Variants in EPC1 observed in about 807,000 individuals in gnomAD.
EPC1 encodes enhancer of polycomb 1.
In EPC1, 12 loss-of-function variants were observed where a neutral mutation model predicts 98.4. The observed-to-expected ratio is 0.12, with a 90% CI of 0.08 to 0.20. EPC1 has a LOEUF of 0.20. Ranked by LOEUF, EPC1 falls within the 10% of genes least tolerant of loss-of-function variation. The pLI, the probability that EPC1 is intolerant of heterozygous loss-of-function variation, is 1.00. For synonymous variants in EPC1, 357 were observed against 363.9 expected (o/e 0.98, Z 0.21); for missense variants, 729 against 990.5 (o/e 0.74, Z 3.54).
chr10:32,376,420 C>G (rs983917002), intron 1 of EPC1, among the ~76,000 whole-genome samples: 1 of 152,018 alleles, frequency 6.6e-6, no homozygotes, highest in Non-Finnish European at 1.5e-5. Context: ...ACTAAACTCT[C>G]CAGCATAACC....
chr10:32,311,683 C>T (rs942729944), intron 1 of EPC1, among the ~76,000 whole-genome samples: 2 of 152,118 alleles, frequency 1.3e-5, no homozygotes, highest in Admixed American at 1.3e-4. Context: ...ACTATTGAAC[C>T]CTGTGTATGC....
chr10:32,348,277 G>GTTGTTGTT (rs10689216), upstream of EPC1, among the ~76,000 whole-genome samples: 3 of 152,102 alleles, frequency 2.0e-5, no homozygotes, highest in African/African-American at 7.2e-5. Flanking sequence ...TGTTGTTGTT[G>GTTGTTGTT]TTAATAGGGA....
At chr10:32,277,768 C>T (rs1359170295) in intron 10 of EPC1, among the ~76,000 whole-genome samples, 1 of 152,072 alleles carries the variant, frequency 6.6e-6, no homozygotes, top group East Asian at 1.9e-4. Context: ...GGTGTTTCAC[C>T]ATGTTGCTCA....
intron 1 of EPC1, among the ~76,000 whole-genome samples, chr10:32,340,407 A>G (rs1465274548): frequency 6.6e-6 from 1 of 152,234 alleles, no homozygotes; most frequent in African/African-American, 2.4e-5. Flanking sequence ...TTGAGTGTCC[A>G]CTATATTTAA....
intron 10 of EPC1, among the ~76,000 whole-genome samples, chr10:32,274,565 T>C (rs886810107): frequency 1.3e-5 from 2 of 152,192 alleles, no homozygotes; most frequent in East Asian, 3.8e-4. Flanking sequence ...GTTCTTATAC[T>C]TGAGTTGAAC....
chr10:32,364,013 T>C (rs1360548791), intron 1 of EPC1, among the ~76,000 whole-genome samples: 20 of 129,652 alleles, frequency 1.5e-4, no homozygotes, highest in Non-Finnish European at 2.3e-4. Context: ...TTTTTTTTTT[T>C]TTTTTTTTTT....
intron 10 of EPC1, among the ~76,000 whole-genome samples, chr10:32,275,547 ATT>A (rs755778366): frequency 1.4e-4 from 22 of 151,976 alleles, no homozygotes; most frequent in Admixed American, 4.6e-4. Context: ...TGGGCAGATC[ATT>A]AGGTCAGGAG....
chr10:32,365,279 T>C (rs1024824925), intron 1 of EPC1, among the ~76,000 whole-genome samples: 14 of 152,140 alleles, frequency 9.2e-5, no homozygotes, highest in Non-Finnish European at 2.1e-4. Context: ...GGACTCAGAA[T>C]TAATATGAAA....
At chr10:32,368,463 A>G (rs1839661038) in intron 1 of EPC1, among the ~76,000 whole-genome samples, 1 of 152,084 alleles carries the variant, frequency 6.6e-6, no homozygotes, top group East Asian at 1.9e-4. Context: ...CTCAATCTTT[A>G]TCTGCTGAAA....
chr10:32,298,382 A>T (rs1000198361), intron 2 of EPC1, among the ~76,000 whole-genome samples: 1 of 152,216 alleles, frequency 6.6e-6, no homozygotes, highest in African/African-American at 2.4e-5. Context: ...ATGAAACAGC[A>T]CACAATGTGG....
intron 1 of EPC1, among the ~76,000 whole-genome samples, chr10:32,339,459 C>T (rs903795549): frequency 2.0e-5 from 3 of 152,018 alleles, no homozygotes; most frequent in African/African-American, 7.3e-5. Context: ...GCACGAGAAT[C>T]GCTTGAATCT....
intron 1 of EPC1, among the ~76,000 whole-genome samples, chr10:32,334,731 T>C (rs1270727028): frequency 6.6e-6 from 1 of 152,218 alleles, no homozygotes; most frequent in Non-Finnish European, 1.5e-5. Flanking sequence ...TCTGGGATAG[T>C]CAAAAGTCAT....
chr10:32,327,756 G>T (rs1837389651), intron 1 of EPC1, among the ~76,000 whole-genome samples: 1 of 152,126 alleles, frequency 6.6e-6, no homozygotes. Flanking sequence ...GTAGGGAGTT[G>T]TAACACAAAA....
chr10:32,286,708 A>T lies in EPC1; in HGVS notation c.1377T>A (p.Val459=). The T allele has an allele frequency of 3.7e-6, 6 of 1,614,136 alleles. No homozygotes were observed. The highest frequency in any genetic ancestry group is 4.2e-6 in the Non-Finnish European group (5 of 1,180,000). Residue 459 remains valine (V), a synonymous_variant, in exon 9 of 14, where the codon GTT becomes GTA. Transcript: ENST00000319778. ...QRCIGFARRR[V]GRGGRVLLDR... ...AAATACCTTACCTTCCACCGCGCCC[A>T]ACCCGTCTTCGTGCAAATCCAATAC...
rs770520611 is a variant in EPC1, at chr10:32,364,001, C to CCTTTTTTTTTTTTTT, written c.3+14489_3+14490insAAAAAAAAAAAAAAG. ...AATAGTATCGTGTCCATCATGTTGGCATTTTTTTTTTTTTTTTTTTTTTTT... is the reference window on the plus strand; with the variant it reads ...AATAGTATCGTGTCCATCATGTTGGCCTTTTTTTTTTTTTTATTTTTTTTTTTTTTTTTTTTTTTT... On this transcript the variant is annotated intron_variant, in intron 1 of 13. Transcript: ENST00000375110. Among the ~76,000 whole-genome samples, 33 of 61,858 alleles carry CCTTTTTTTTTTTTTT rather than the reference C, an allele frequency of 5.3e-4. 16 individuals are homozygous for CCTTTTTTTTTTTTTT. The highest frequency in any genetic ancestry group is 4.9e-4 in the Non-Finnish European group (16 of 32,530). 40.6% of individuals were successfully genotyped at this position (61,858 alleles called of 152,430 possible).
chr10:32,314,050 G>GT (rs1836412096), intron 1 of EPC1, among the ~76,000 whole-genome samples: 1 of 152,018 alleles, frequency 6.6e-6, no homozygotes, highest in Non-Finnish European at 1.5e-5. Context: ...ATTAATTGCT[G>GT]TAACACCAAG....
intron 2 of EPC1, among the ~76,000 whole-genome samples, chr10:32,303,856 C>G (rs985879372): frequency 1.3e-5 from 2 of 152,232 alleles, no homozygotes; most frequent in African/African-American, 4.8e-5. Flanking sequence ...GGTTTTGATA[C>G]TGTACAATAG....
chr10:32,367,960 A>C (rs760708868), intron 1 of EPC1, among the ~76,000 whole-genome samples: 6 of 152,210 alleles, frequency 3.9e-5, no homozygotes, highest in Non-Finnish European at 8.8e-5. Context: ...ACATAAGCGA[A>C]TGTCTTCTGC....
intron 1 of EPC1, among the ~76,000 whole-genome samples, chr10:32,353,642 C>T (rs1415868760): frequency 6.6e-6 from 1 of 152,176 alleles, no homozygotes. Context: ...ATGGTCTCTA[C>T]ATCCTCACGG....
Sources: gnomAD v4.1 joint callset for allele counts (sites outside exome capture counted in the v4.1 genomes callset) on GRCh38, gnomAD v4.1.1 for gene constraint, MANE v1.5 for transcripts, NCBI Gene and HGNC (gene_info 2026-07-23, HGNC 2026-07-21) for gene names.